The following C7 variants were observed in gnomAD, a reference collection of about 807,000 sequenced individuals.
The protein encoded by C7 is complement C7.
A neutral mutation model predicts 104.8 loss-of-function variants in C7; 83 were observed. The observed-to-expected ratio is 0.79, with a 90% CI of 0.66 to 0.95. The LOEUF (loss-of-function observed/expected upper bound fraction) is 0.95. Ranked by LOEUF, C7 falls within the 40% of genes least tolerant of loss-of-function variation. The pLI, the probability that C7 is intolerant of heterozygous loss-of-function variation, is 0.00. For synonymous variants in C7, 415 were observed against 360.6 expected (o/e 1.15, Z -1.71); for missense variants, 1,070 against 1,011.2 (o/e 1.06, Z -0.79).
intron 6 of C7, among the ~76,000 whole-genome samples, chr5:40,939,690 A>G (rs1739894357): frequency 6.6e-6 from 1 of 152,228 alleles, no homozygotes; most frequent in South Asian, 2.1e-4. Flanking sequence ...TCATAATTAT[A>G]ATGTGGAGAC....
chr5:40,919,609 G>A (rs1303019611), intron 1 of C7, among the ~76,000 whole-genome samples: 1 of 151,906 alleles, frequency 6.6e-6, no homozygotes, highest in Non-Finnish European at 1.5e-5. Flanking sequence ...CTGGGTGACA[G>A]AAAAAGACCC....
chr5:40,981,229 C>T (rs1740934260), intron 17 of C7, among the ~76,000 whole-genome samples, 163 bp from the exon 18 acceptor site: 1 of 152,128 alleles, frequency 6.6e-6, no homozygotes, highest in Non-Finnish European at 1.5e-5. Context: ...GCAAAATGCC[C>T]CAATTTCCTG....
chr5:40,941,189 G>A (rs540060072), intron 6 of C7, among the ~76,000 whole-genome samples: 8 of 151,542 alleles, frequency 5.3e-5, no homozygotes, highest in South Asian at 2.1e-4. Flanking sequence ...TCGGCCTACC[G>A]AGTAGCTGGG....
At chr5:40,947,146 C>T (rs1357213197) in intron 7 of C7, among the ~76,000 whole-genome samples, 4 of 144,428 alleles carry the variant, frequency 2.8e-5, no homozygotes, top group Non-Finnish European at 6.0e-5. Flanking sequence ...GTTACCCAGG[C>T]TGGAGTGCAG....
In C7 at chr5:40,955,295, T is replaced by G; in HGVS notation, c.1094-92T>G. The G allele has an allele frequency of 3.4e-6, 4 of 1,175,624 alleles. No homozygotes were observed. The South Asian group carries it at 5.6e-5, about 16-fold the overall frequency. The allele number at this position is 1,175,624 out of a possible 1,614,324, so 72.8% of individuals were successfully genotyped here. A position where few individuals can be genotyped will look rare whatever the true frequency, so the allele number is the denominator to read the frequency against. ...ACAATTTATCTTTTGACTGTTTCCA[T>G]AGTTTGGCTTTTTCCAGGATGTCAT... On this transcript the variant is annotated intron_variant, in intron 9 of 17. Transcript: ENST00000313164.
chr5:40,937,634 G>T lies in C7; in HGVS notation c.511G>T (p.Gly171Trp). The T allele has an allele frequency of 6.2e-7, 1 of 1,611,392 alleles. No homozygotes were observed. The highest frequency in any genetic ancestry group is 8.5e-7 in the Non-Finnish European group (1 of 1,178,474). ...FGGQCRKVFS[G>W]DGKDFYRLSG... is the part of the protein sequence containing the mutation. Reference sequence around the variant, plus strand: ...TGGTCAATGTAGAAAGGTGTTTAGTGGGGATGGAAAAGATTTCTACAGGCT... The same window carrying T: ...TGGTCAATGTAGAAAGGTGTTTAGTTGGGATGGAAAAGATTTCTACAGGCT... The change falls in exon 6 of 18, where the codon GGG (glycine) becomes TGG (tryptophan). Residue 171 changes from glycine to tryptophan, a missense_variant. By Grantham distance (184) the Gly-to-Trp change is radical. Coordinates refer to ENST00000313164, the MANE Select transcript of C7 (RefSeq NM_000587.4).
intron 6 of C7, among the ~76,000 whole-genome samples, chr5:40,939,839 C>A (rs1261310764): frequency 1.3e-5 from 2 of 152,224 alleles, no homozygotes; most frequent in East Asian, 3.8e-4. Flanking sequence ...AATTTATTAA[C>A]AACGTGATCC....
intron 14 of C7, 41 bp from the exon 15 acceptor site, chr5:40,972,362 G>A (rs376482930): frequency 6.4e-6 from 10 of 1,552,398 alleles, no homozygotes; most frequent in African/African-American, 2.7e-5. Context: ...GATGGTTTAG[G>A]AGAGCAACGA....
intron 5 of C7, 40 bp from the exon 6 acceptor site, chr5:40,937,512 G>T: frequency 3.2e-6 from 5 of 1,550,194 alleles, no homozygotes; most frequent in South Asian, 2.5e-5. Context: ...GTTTTTAACG[G>T]CTTTTTATTT....
At chr5:40,969,346 G>A (rs1301443809) in intron 14 of C7, among the ~76,000 whole-genome samples, 5 of 151,668 alleles carry the variant, frequency 3.3e-5, no homozygotes, top group South Asian at 4.2e-4. Context: ...GTTGTTTCAG[G>A]GCCTGTATCT....
At chr5:40,942,677 T>A (rs1008170835) in intron 6 of C7, among the ~76,000 whole-genome samples, 9 of 152,056 alleles carry the variant, frequency 5.9e-5, no homozygotes, top group Non-Finnish European at 1.0e-4. Flanking sequence ...TAAAGTATTG[T>A]TGGCTGGTTT....
Position 40,937,511 on chromosome 5 carries a change from G to A in C7, c.429-41G>A, listed in dbSNP as rs756430140. On this transcript the variant is annotated intron_variant, in intron 5 of 17. Transcript: ENST00000313164. ...CCAAGTGCTATTTCTGGTTTTTAAC[G>A]GCTTTTTATTTCCTCCTTCTCCTCC... 8.0e-5 allele frequency: 123 copies of A among 1,546,618 alleles called. 1 individual carries two copies. Among genetic ancestry groups the A allele is most frequent in the Middle Eastern group, 1.7e-4 (1 of 5,742 alleles).
chr5:40,980,195 T>C, intron 17 of C7: 1 of 286,050 alleles, frequency 3.5e-6, no homozygotes, highest in Non-Finnish European at 6.4e-6. Flanking sequence ...CCTTGTATTA[T>C]CCATATTGTG....
At chr5:40,973,811 TA>T (rs1261971028) in intron 15 of C7, among the ~76,000 whole-genome samples, 1 of 152,262 alleles carries the variant, frequency 6.6e-6, no homozygotes, top group Admixed American at 6.5e-5. Flanking sequence ...CTAGTCTGTC[TA>T]AAATGCTACT....
intron 15 of C7, 55 bp downstream of exon 15, chr5:40,972,649 C>T (rs1022762957): frequency 1.4e-6 from 2 of 1,430,736 alleles, no homozygotes; most frequent in African/African-American, 1.4e-5. Flanking sequence ...AGTGAGAGTC[C>T]TTGTGGCGAC....
chr5:40,982,862 T>C lies in C7; in HGVS notation c.*1289T>C, dbSNP rs1740980249. On this transcript the variant is annotated 3_prime_UTR_variant, in exon 18 of 18. Transcript: ENST00000313164. ...TTATACAAATACTATCTCTGTATTG[T>C]TCTGACCCTGGTAAATATATTTCAA... is the stretch of plus-strand genomic sequence containing the variant. 6.6e-6 allele frequency: 1 copy of C among 152,380 alleles called. No individual in the cohort carries two copies. Among genetic ancestry groups the C allele is most frequent in the Admixed American group, 6.5e-5 (1 of 15,288 alleles). The allele number at this position is 152,380 out of a possible 1,614,324, so 9.4% of individuals were successfully genotyped here.
chr5:40,952,079 A>G lies in C7; in HGVS notation c.1093+2065A>G, dbSNP rs560103021. On this transcript the variant is annotated intron_variant, in intron 9 of 17. Transcript: ENST00000313164. ...GTGAGAGCTTTGAGAAGATGTTGACATCAGTCTTCAGTTGGGCTGGCAGTT... is the reference window on the plus strand; with the variant it reads ...GTGAGAGCTTTGAGAAGATGTTGACGTCAGTCTTCAGTTGGGCTGGCAGTT... Among the ~76,000 whole-genome samples, 4 of 152,354 alleles carry G rather than the reference A, an allele frequency of 2.6e-5. No individual in the cohort carries two copies. The South Asian group carries it at 8.3e-4, about 32-fold the overall frequency.
At chr5:40,960,845 G>A (rs1740404403) in intron 12 of C7, among the ~76,000 whole-genome samples, 1 of 151,984 alleles carries the variant, frequency 6.6e-6, no homozygotes, top group Non-Finnish European at 1.5e-5. Flanking sequence ...GACCTTAGAG[G>A]CAGTCTTGAA....
Position 40,931,018 on chromosome 5 carries a change from G to A in C7, c.63-46G>A, listed in dbSNP as rs199982577. 6.1e-4 allele frequency: 779 copies of A among 1,285,990 alleles called. 2 individuals are homozygous for A. The highest frequency in any genetic ancestry group is 7.8e-4 in the Non-Finnish European group (686 of 884,120). 79.7% of individuals were successfully genotyped at this position (1,285,990 alleles called of 1,614,324 possible). A position where few individuals can be genotyped will look rare whatever the true frequency, so the allele number is the denominator to read the frequency against. The stretch of plus-strand genomic sequence containing the variant: ...TTCACTATTCTTTGTGTTCCCTTGC[G>A]TATCTTTCCACCTGCTTTATGATGG... On this transcript the variant is annotated intron_variant, in intron 2 of 17. Coordinates refer to ENST00000313164, the MANE Select transcript of C7 (RefSeq NM_000587.4).
Sources: allele counts gnomAD v4.1 joint callset (sites outside exome capture counted in the v4.1 genomes callset), GRCh38; gene constraint gnomAD v4.1.1; transcripts MANE v1.5; gene names NCBI Gene and HGNC (gene_info 2026-07-23, HGNC 2026-07-21).